The following DNAJC18 variants were observed in gnomAD, a reference collection of about 807,000 sequenced individuals.
DNAJC18 encodes DnaJ heat shock protein family (Hsp40) member C18.
DNAJC18 carries 40 observed loss-of-function variants against 48.6 expected under a neutral mutation model. That is an observed-to-expected ratio of 0.82 (90% CI 0.64 to 1.07). DNAJC18 has a LOEUF of 1.07. Among genes scored for constraint, DNAJC18 ranks in the 50% least tolerant of loss-of-function variants. The pLI, the probability that DNAJC18 is intolerant of heterozygous loss-of-function variation, is 0.00. For missense variants in DNAJC18, 340 were observed against 427.7 expected, an observed-to-expected ratio of 0.79 and a Z score of 1.81; for synonymous variants, 135 against 152.2, an observed-to-expected ratio of 0.89 and a Z score of 0.83.
chr5:139,436,933 G>A (rs1364760972), intron 2 of DNAJC18, among the ~76,000 whole-genome samples: 6 of 152,226 alleles, frequency 3.9e-5, no homozygotes, highest in African/African-American at 1.4e-4. Flanking sequence ...TTAGGAGCTT[G>A]TAGTTTAATT....
chr5:139,420,194 G>A lies in DNAJC18; in HGVS notation c.811C>T (p.Gln271Ter), dbSNP rs1423917155. The change falls in exon 7 of 8, where the codon CAG becomes TAG. Residue 271 changes from glutamine (Q) to a stop codon, truncating the protein, a stop_gained. Coordinates refer to ENST00000302060, the MANE Select transcript of DNAJC18 (RefSeq NM_152686.4). LOFTEE classifies it high-confidence loss of function. ...ACAAAGTAAGGCACCTGCAGGTTCT[G>A]AGTTTCTCTAGAAATGGTGTAGCCC... The part of the protein sequence containing the change: ...TLGYTISRET[Q>*]NLQVPYFVDK... 6.2e-7 allele frequency: 1 copy of A among 1,611,166 alleles called. No individual in the cohort carries two copies. The highest frequency in any genetic ancestry group is 8.5e-7 in the Non-Finnish European group (1 of 1,179,254).
intron 7 of DNAJC18, among the ~76,000 whole-genome samples, chr5:139,417,856 G>A (rs1561997713): frequency 6.6e-6 from 1 of 152,116 alleles, no homozygotes; most frequent in Non-Finnish European, 1.5e-5. Flanking sequence ...TTACAGGCAT[G>A]AGCCACCACA....
intron 5 of DNAJC18, among the ~76,000 whole-genome samples, chr5:139,424,677 A>G (rs1759205920): frequency 7.7e-6 from 1 of 129,616 alleles, no homozygotes; most frequent in Non-Finnish European, 1.6e-5. Context: ...CTGTGTTTCT[A>G]CTATTGTACT....
chr5:139,419,292 G>C (rs1053008009), intron 7 of DNAJC18: 2 of 373,464 alleles, frequency 5.4e-6, no homozygotes, highest in Admixed American at 3.5e-5. Context: ...TGGCTGAGAC[G>C]GGGCTACCCC....
rs1035563669 is a variant in DNAJC18 at position 139,413,121 on chromosome 5, A to C, written c.*1027T>G. 2.6e-6 allele frequency: 1 copy of C among 388,518 alleles called. No homozygotes were observed. The highest frequency in any genetic ancestry group is 3.7e-5 in the East Asian group (1 of 27,210). The allele number at this position is 388,518 out of a possible 1,614,324, so 24.1% of individuals were successfully genotyped here. A position where few individuals can be genotyped will look rare whatever the true frequency, so the allele number is the denominator to read the frequency against. ...TATGTGTGAGAGCCCCTGCTTTTAT[A>C]GTAGGCACTCAATAAATGTTGAATG... On this transcript the variant is annotated 3_prime_UTR_variant, in exon 8 of 8. Transcript: ENST00000302060.
intron 2 of DNAJC18, among the ~76,000 whole-genome samples, chr5:139,436,075 G>A (rs1385863297): frequency 6.6e-6 from 1 of 151,200 alleles, no homozygotes; most frequent in African/African-American, 2.4e-5. Context: ...AGGTCTACTT[G>A]GGTTTTCCTT....
chr5:139,437,425 C>T lies in DNAJC18; in HGVS notation c.174G>A (p.Arg58=), dbSNP rs778377128. 6.2e-7 allele frequency: 1 copy of T among 1,614,052 alleles called. No homozygotes were observed. The highest frequency in any genetic ancestry group is 8.5e-7 in the Non-Finnish European group (1 of 1,179,972). The change falls in exon 2 of 8, where the codon CGG becomes CGA. Residue 58 remains arginine, a synonymous_variant. Coordinates refer to ENST00000302060, the MANE Select transcript of DNAJC18 (RefSeq NM_152686.4). ...TATACGTGGAGTTCCCCTCACCCTG[C>T]CGGGTCTGAGTCCACTCATTCTCAG... ...KKSENEWTQT[R]QGEGNSTYSE...
intron 7 of DNAJC18, among the ~76,000 whole-genome samples, chr5:139,419,788 GAGGT>G (rs1299711510): frequency 1.3e-5 from 2 of 152,326 alleles, no homozygotes; most frequent in Non-Finnish European, 1.5e-5. Flanking sequence ...TTGGCAGAGA[GAGGT>G]AGAGACTCAA....
intron 2 of DNAJC18, among the ~76,000 whole-genome samples, chr5:139,435,769 C>T (rs186499401): frequency 3.2e-5 from 4 of 126,556 alleles, no homozygotes; most frequent in Admixed American, 2.0e-4. Flanking sequence ...GACTAGAGTG[C>T]AGTGGTGCTC....
In DNAJC18 at chr5:139,426,304, C is replaced by A. The variant is rs1759242792; in HGVS notation, c.427G>T (p.Asp143Tyr). 6.2e-7 allele frequency: 1 copy of A among 1,614,096 alleles called. No individual in the cohort carries two copies. Among genetic ancestry groups the A allele is most frequent in the African/African-American group, 1.3e-5 (1 of 74,938 alleles). Residue 143 changes from aspartate (D) to tyrosine (Y), a missense_variant, in exon 4 of 8, where the codon GAT becomes TAT. Physicochemically the swap from Asp to Tyr is radical, Grantham distance 160 (BLOSUM62 -3). Coordinates refer to ENST00000302060, the MANE Select transcript of DNAJC18 (RefSeq NM_152686.4). ...GTCACCTGTTCATCTCCGTATTCAT[C>A]ATAGCGAAGTCTCTTATCAGGATTG... ...LSNPDKRLRYDEYGDEQVTFT... is the reference protein window; with the variant it reads ...LSNPDKRLRYYEYGDEQVTFT...
intron 2 of DNAJC18, among the ~76,000 whole-genome samples, chr5:139,428,934 T>TGCTA (rs1159842550): frequency 1.3e-5 from 2 of 152,126 alleles, no homozygotes; most frequent in Non-Finnish European, 2.9e-5. Flanking sequence ...AGAACAAGTA[T>TGCTA]GCTAATTGTT....
At chr5:139,426,586 C>T (rs1759246973) in intron 3 of DNAJC18, among the ~76,000 whole-genome samples, 1 of 152,190 alleles carries the variant, frequency 6.6e-6, no homozygotes, top group Non-Finnish European at 1.5e-5. Context: ...ACTTCTGCTG[C>T]AGTGAGTTAA....
intron 6 of DNAJC18, among the ~76,000 whole-genome samples, chr5:139,422,321 C>T (rs1369560478): frequency 6.6e-6 from 1 of 152,172 alleles, no homozygotes; most frequent in African/African-American, 2.4e-5. Context: ...CACTTGATCC[C>T]CATTATTAAT....
In DNAJC18 at chr5:139,439,466, T is replaced by G. The variant is rs1400970345; in HGVS notation, c.-21A>C. ...GCCATATCGGTTCCCAATCAGCAGG[T>G]CCGCCGAGCCTCCCCCGTGCCCGAG... On this transcript the variant is annotated 5_prime_UTR_variant, in exon 1 of 8. Transcript: ENST00000302060. The surrounding 1 kb of genome is among the most constrained non-coding windows in gnomAD (Gnocchi z 4.1). 4.8e-5 allele frequency: 78 copies of G among 1,613,454 alleles called. 1 individual carries two copies. The East Asian group carries it at 1.7e-3, about 36-fold the overall frequency.
At chr5:139,438,272 C>T (rs1349239202) in intron 1 of DNAJC18, among the ~76,000 whole-genome samples, 2 of 150,370 alleles carry the variant, frequency 1.3e-5, no homozygotes, top group Admixed American at 1.3e-4. Context: ...GCCGAGATCG[C>T]GCTACTGCAC....
chr5:139,417,382 A>T (rs1759085617), intron 7 of DNAJC18, among the ~76,000 whole-genome samples: 1 of 152,062 alleles, frequency 6.6e-6, no homozygotes, highest in African/African-American at 2.4e-5. Context: ...GCTAAATTTA[A>T]CCTTGTTGGC....
At chr5:139,434,106 G>T (rs948240219) in intron 2 of DNAJC18, among the ~76,000 whole-genome samples, 2 of 152,142 alleles carry the variant, frequency 1.3e-5, no homozygotes, top group African/African-American at 2.4e-5. Context: ...GCCCAGGCTG[G>T]TCTCAAACTT....
chr5:139,426,807 A>G (rs956500746), intron 3 of DNAJC18, among the ~76,000 whole-genome samples: 2 of 152,190 alleles, frequency 1.3e-5, no homozygotes, highest in Admixed American at 6.5e-5. Flanking sequence ...GTGAGCCGAG[A>G]TCATGCCACT....
intron 6 of DNAJC18, among the ~76,000 whole-genome samples, chr5:139,422,195 T>C (rs1420727705): frequency 6.6e-6 from 1 of 152,154 alleles, no homozygotes; most frequent in East Asian, 1.9e-4. Flanking sequence ...CTGAATCAAC[T>C]GAAAGAATTA....
Sources: allele counts gnomAD v4.1 joint callset (sites outside exome capture counted in the v4.1 genomes callset), GRCh38; gene constraint gnomAD v4.1.1; non-coding constraint Gnocchi (gnomAD v3.1); transcripts MANE v1.5; gene names NCBI Gene and HGNC (gene_info 2026-07-23, HGNC 2026-07-21).